APCDD1L: variants seen among roughly 807,000 people sequenced by gnomAD.
APCDD1L encodes the protein protein APCDD1-like.
APCDD1L carries 21 observed loss-of-function variants against 24.2 expected under a neutral mutation model. That is an observed-to-expected ratio of 0.87 (90% CI 0.61 to 1.25). The LOEUF is 1.25. APCDD1L is among the 50% of genes most tolerant of loss of function. APCDD1L has a pLI of 0.00. For synonymous variants in APCDD1L, 321 were observed against 323.6 expected, an observed-to-expected ratio of 0.99 and a Z score of 0.09; for missense variants, 704 against 711.7, an observed-to-expected ratio of 0.99 and a Z score of 0.12.
At chr20:58,470,868 G>A (rs1384056229) in intron 1 of APCDD1L, 121 bp from the exon 2 acceptor site, 58 of 1,363,188 alleles carry the variant, frequency 4.3e-5, no homozygotes, top group Non-Finnish European at 5.6e-5. Flanking sequence ...AACCTCCATC[G>A]CAGCCCCGTC....
At chr20:58,511,580 A>G (rs1990628287) in intron 1 of APCDD1L, among the ~76,000 whole-genome samples, 1 of 152,224 alleles carries the variant, frequency 6.6e-6, no homozygotes, top group Admixed American at 6.5e-5. Context: ...CCTTGGTCAG[A>G]AGATAAGTGG....
At position 58,470,950 on chromosome 20, in the gene APCDD1L, C is replaced by T. The variant is rs150197011; in HGVS notation, c.50-203G>A. Among the ~76,000 whole-genome samples the T allele has an allele frequency of 1.4e-4, 21 of 152,294 alleles. No homozygotes were observed. The East Asian group carries it at 1.5e-3, about 11-fold the overall frequency. ...AGGATCCTAGAATCAGCCTCCCCGA[C>T]GCATCTCCTCCTGGGTTCCCAGATG... On this transcript the variant is annotated intron_variant, in intron 1 of 3. Coordinates refer to ENST00000371149, the MANE Select transcript of APCDD1L (RefSeq NM_153360.3).
chr20:58,509,906 G>A (rs989838315), intron 1 of APCDD1L, among the ~76,000 whole-genome samples: 2 of 152,080 alleles, frequency 1.3e-5, no homozygotes, highest in African/African-American at 4.8e-5. Flanking sequence ...TCTTTTCTGA[G>A]GCCCCACAAC....
In APCDD1L at chr20:58,460,724, T is replaced by TTCC. The variant is rs1989578517; in HGVS notation, c.*65_*66insGGA. On this transcript the variant is annotated 3_prime_UTR_variant, in exon 4 of 4. Coordinates refer to ENST00000371149, the MANE Select transcript of APCDD1L (RefSeq NM_153360.3). The surrounding 1 kb of genome is among the most constrained non-coding windows in gnomAD (Gnocchi z 4.2). ...AGGAGAATGGTTCCTTCCCTACAGC[T>TTCC]GCCAGGAGGGAGTCTGAAGGGTTGA... 7.5e-6 allele frequency: 11 copies of TTCC among 1,473,450 alleles called. No individual in the cohort carries two copies. Among genetic ancestry groups the TTCC allele is most frequent in the South Asian group, 1.4e-5 (1 of 69,506 alleles). The allele number at this position is 1,473,450 out of a possible 1,614,324, so 91.3% of individuals were successfully genotyped here.
chr20:58,474,023 C>T (rs1989861774), intron 1 of APCDD1L, among the ~76,000 whole-genome samples: 1 of 152,186 alleles, frequency 6.6e-6, no homozygotes. Context: ...TATGGACCTG[C>T]CTGGGGCCTT....
Position 58,461,866 on chromosome 20 carries a change from C to T in APCDD1L, c.742-312G>A, listed in dbSNP as rs560837693. The T allele has an allele frequency of 1.6e-5, 5 of 318,476 alleles. No individual in the cohort carries two copies. The highest frequency in any genetic ancestry group is 1.6e-4 in the South Asian group (1 of 6,414). 19.7% of individuals were successfully genotyped at this position (318,476 alleles called of 1,614,324 possible). A position where few individuals can be genotyped will look rare whatever the true frequency, so the allele number is the denominator to read the frequency against. On this transcript the variant is annotated intron_variant, in intron 3 of 3. Transcript: ENST00000371149. This position sits in a 1 kb window ranked among gnomAD's most constrained non-coding sequence, Gnocchi z 6.0. Reference sequence around the variant, plus strand: ...AGCTGGGCACCAGAGAGAGCTTTCCCGAATGCCCCATGTAAGGTGGGCCTC... The same window carrying T: ...AGCTGGGCACCAGAGAGAGCTTTCCTGAATGCCCCATGTAAGGTGGGCCTC...
intron 1 of APCDD1L, among the ~76,000 whole-genome samples, chr20:58,514,424 A>T (rs1484138683): frequency 6.6e-6 from 1 of 152,174 alleles, no homozygotes; most frequent in Non-Finnish European, 1.5e-5. Flanking sequence ...CAGAGAGTGC[A>T]GCGGCTCTCA....
chr20:58,505,402 C>T (rs1990513344), intron 1 of APCDD1L, among the ~76,000 whole-genome samples: 1 of 152,082 alleles, frequency 6.6e-6, no homozygotes, highest in Non-Finnish European at 1.5e-5. Context: ...TCATAAATAT[C>T]CTCCCATGTC....
At chr20:58,485,745 G>A (rs910965419) in intron 1 of APCDD1L, among the ~76,000 whole-genome samples, 1 of 152,200 alleles carries the variant, frequency 6.6e-6, no homozygotes, top group African/African-American at 2.4e-5. Flanking sequence ...CAGCTTATCT[G>A]AATATTCTGA....
At chr20:58,513,602 A>G (rs1990675848) in intron 1 of APCDD1L, among the ~76,000 whole-genome samples, 1 of 152,242 alleles carries the variant, frequency 6.6e-6, no homozygotes, top group Admixed American at 6.5e-5. Flanking sequence ...TACATGGAGC[A>G]GAGCGTGCTC....
intron 1 of APCDD1L, among the ~76,000 whole-genome samples, chr20:58,482,304 A>G (rs1248693175): frequency 6.6e-6 from 1 of 152,200 alleles, no homozygotes; most frequent in East Asian, 1.9e-4. Flanking sequence ...TTATTGCACT[A>G]TTTTACCGTG....
chr20:58,477,303 C>A (rs1989928720), intron 1 of APCDD1L, among the ~76,000 whole-genome samples: 1 of 152,242 alleles, frequency 6.6e-6, no homozygotes, highest in South Asian at 2.1e-4. Flanking sequence ...ATTGAGCTGT[C>A]ATGTCTCCTT....
At chr20:58,465,908 A>C (rs972594787) in intron 3 of APCDD1L, among the ~76,000 whole-genome samples, 2 of 152,134 alleles carry the variant, frequency 1.3e-5, no homozygotes, top group African/African-American at 2.4e-5. Flanking sequence ...GTTTTAATAG[A>C]ACTGGTTTTC....
intron 1 of APCDD1L, chr20:58,513,816 C>A: frequency 8.5e-7 from 1 of 1,180,428 alleles, no homozygotes; most frequent in Non-Finnish European, 1.1e-6. Context: ...GCCATGCTTA[C>A]CCAAAGCCAG....
At chr20:58,465,557 C>T (rs967225631) in intron 3 of APCDD1L, among the ~76,000 whole-genome samples, 1 of 152,192 alleles carries the variant, frequency 6.6e-6, no homozygotes, top group African/African-American at 2.4e-5. Context: ...CACATCCATC[C>T]ATCCACACCC....
intron 1 of APCDD1L, among the ~76,000 whole-genome samples, chr20:58,495,837 C>A (rs1990311329): frequency 6.6e-6 from 1 of 152,154 alleles, no homozygotes; most frequent in African/African-American, 2.4e-5. Flanking sequence ...TCCCCACATG[C>A]CCTTGTCTCC....
chr20:58,506,023 T>G (rs932091744), intron 1 of APCDD1L, among the ~76,000 whole-genome samples: 2 of 152,194 alleles, frequency 1.3e-5, no homozygotes, highest in Admixed American at 1.3e-4. Flanking sequence ...ATGGCCCCAC[T>G]GATACCTTGA....
chr20:58,466,125 C>CAAAAAAAAA (rs35123325), intron 3 of APCDD1L, among the ~76,000 whole-genome samples: 1 of 120,434 alleles, frequency 8.3e-6, no homozygotes, highest in Non-Finnish European at 1.7e-5. Context: ...GCTCATCTGG[C>CAAAAAAAAA]AAAAAAAAAA....
At chr20:58,512,908 GC>G (rs1002745059) in intron 1 of APCDD1L, among the ~76,000 whole-genome samples, 2 of 152,030 alleles carry the variant, frequency 1.3e-5, no homozygotes, top group African/African-American at 4.8e-5. Context: ...CTCTCGTCAG[GC>G]CCCCGGGCAC....
Sources: gnomAD v4.1 joint callset for allele counts (sites outside exome capture counted in the v4.1 genomes callset) on GRCh38, gnomAD v4.1.1 for gene constraint, Gnocchi (gnomAD v3.1) non-coding constraint, MANE v1.5 for transcripts, NCBI Gene and HGNC (gene_info 2026-07-23, HGNC 2026-07-21) for gene names.